GPM6B: variants seen among roughly 807,000 people sequenced by gnomAD.
GPM6B encodes the protein glycoprotein M6B.
Under a neutral mutation model 27.2 loss-of-function variants are expected in GPM6B, and 4 were observed. That is an observed-to-expected ratio of 0.15 (90% CI 0.07 to 0.34). The LOEUF (loss-of-function observed/expected upper bound fraction) is 0.34. GPM6B is among the 10% of genes least tolerant of loss of function. GPM6B has a pLI of 1.00. For missense variants in GPM6B, 183 were observed against 261.9 expected, an observed-to-expected ratio of 0.70 and a Z score of 2.08; for synonymous variants, 124 against 103.1, an observed-to-expected ratio of 1.20 and a Z score of -1.23.
At chrX:13,902,798 C>A in intron 1 of GPM6B, among the ~76,000 whole-genome samples, 1 of 111,903 alleles carries the variant, frequency 8.9e-6, no homozygotes. Context: ...TGGTGCCCAC[C>A]AAAGCACATG....
At chrX:13,820,920 C>G (rs1013965324), upstream of GPM6B, among the ~76,000 whole-genome samples, 2 of 111,013 alleles carry the variant, frequency 1.8e-5, no homozygotes, top group African/African-American at 6.6e-5. Flanking sequence ...GGTACACTAC[C>G]TTTTAAATGT....
At chrX:13,869,949 G>A (rs2049957468) in intron 1 of GPM6B, among the ~76,000 whole-genome samples, 1 of 111,884 alleles carries the variant, frequency 8.9e-6, no homozygotes, top group Admixed American at 9.5e-5. Flanking sequence ...TAGTTGTCCT[G>A]TCTCCTTGGT....
chrX:13,885,899 G>A (rs188746595), intron 1 of GPM6B, among the ~76,000 whole-genome samples: 62 of 112,194 alleles, frequency 5.5e-4, no homozygotes, highest in African/African-American at 1.6e-3. Flanking sequence ...AGTTTCGAGT[G>A]GTTTTAGTTT....
chrX:13,776,718 A>C (rs1285794779), intron 6 of GPM6B, among the ~76,000 whole-genome samples: 1 of 112,506 alleles, frequency 8.9e-6, no homozygotes, highest in Non-Finnish European at 1.9e-5. Context: ...TTTCTTAAAT[A>C]TACAAGCACC....
chrX:13,930,365 A>C (rs1419878232), intron 1 of GPM6B, among the ~76,000 whole-genome samples: 2 of 111,969 alleles, frequency 1.8e-5, no homozygotes, highest in African/African-American at 6.5e-5. Flanking sequence ...CTATAATCCC[A>C]GCACTTTGGG....
chrX:13,782,644 T>TGTACAGGAG (rs2048536625), intron 4 of GPM6B, among the ~76,000 whole-genome samples: 1 of 107,479 alleles, frequency 9.3e-6, no homozygotes, highest in African/African-American at 3.4e-5. Flanking sequence ...TCCCCTGACT[T>TGTACAGGAG]GTACAGGAGG....
At chrX:13,909,120 C>CTTTTT (rs368081524) in intron 1 of GPM6B, among the ~76,000 whole-genome samples, 30 of 69,823 alleles carry the variant, frequency 4.3e-4, no homozygotes, top group East Asian at 1.9e-3. Context: ...TGTTCATATC[C>CTTTTT]TTTTTTTTTT....
At chrX:13,866,232 A>G (rs954618786) in intron 1 of GPM6B, among the ~76,000 whole-genome samples, 10 of 112,102 alleles carry the variant, frequency 8.9e-5, no homozygotes, top group Non-Finnish European at 1.5e-4. Context: ...GCGTGGTGGC[A>G]CATGCCTGTA....
chrX:13,919,792 C>T (rs988999404), intron 1 of GPM6B, among the ~76,000 whole-genome samples: 17 of 111,131 alleles, frequency 1.5e-4, no homozygotes, highest in African/African-American at 5.0e-4. Context: ...AGAGAACACA[C>T]AGAAATCAAT....
intron 6 of GPM6B, 146 bp downstream of exon 6, chrX:13,777,206 T>C: frequency 2.2e-6 from 1 of 458,580 alleles, no homozygotes; most frequent in Non-Finnish European, 3.9e-6. Flanking sequence ...ATAGTGATGG[T>C]TACATATAGC....
intron 1 of GPM6B, chrX:13,812,855 A>G (rs2049163582): frequency 9.1e-6 from 1 of 110,257 alleles, no homozygotes. Context: ...TAATAATGTA[A>G]AAGTAGAAGA....
At chrX:13,779,169 T>G (rs1281725770) in intron 5 of GPM6B, among the ~76,000 whole-genome samples, 4 of 111,742 alleles carry the variant, frequency 3.6e-5, no homozygotes, top group Non-Finnish European at 5.6e-5. Flanking sequence ...AAGTCCCAAA[T>G]TAACTGACAG....
chrX:13,776,393 T>C, intron 6 of GPM6B, 90 bp from the exon 7 acceptor site: 1 of 697,976 alleles, frequency 1.4e-6, no homozygotes, highest in Non-Finnish European at 2.2e-6. Context: ...CTGTCTCCTT[T>C]GCAGCTCTTC....
At chrX:13,837,935 T>G (rs1167903115) in intron 1 of GPM6B, among the ~76,000 whole-genome samples, 1 of 110,624 alleles carries the variant, frequency 9.0e-6, no homozygotes, top group African/African-American at 3.3e-5. Flanking sequence ...AATTCTTTGA[T>G]TAAAAAAAAA....
intron 2 of GPM6B, among the ~76,000 whole-genome samples, chrX:13,786,357 TCGCCAGGTTCAAA>T (rs1275207613): frequency 9.0e-4 from 101 of 112,032 alleles, no homozygotes; most frequent in Admixed American, 1.4e-3. Context: ...AATTATGCCG[TCGCCAGGTTCAAA>T]CAAATAGCAA....
chrX:13,851,155 T>TC (rs1235184350), intron 1 of GPM6B, among the ~76,000 whole-genome samples: 2 of 66,777 alleles, frequency 3.0e-5, no homozygotes, highest in African/African-American at 1.3e-4. Flanking sequence ...AGAGCGAGAC[T>TC]CCATCTCCAA....
chrX:13,821,806 G>A (rs1177347528), upstream of GPM6B, among the ~76,000 whole-genome samples: 3 of 110,705 alleles, frequency 2.7e-5, no homozygotes, highest in Admixed American at 1.9e-4. Context: ...CGTTGGTCAG[G>A]CTGGTCTTGA....
At chrX:13,832,626 CA>C (rs1336279274) in intron 1 of GPM6B, among the ~76,000 whole-genome samples, 1 of 111,589 alleles carries the variant, frequency 9.0e-6, no homozygotes, top group East Asian at 2.8e-4. Context: ...GACAAGGCCA[CA>C]CATTTTAAAA....
chrX:13,907,658 G>A (rs776709835), intron 1 of GPM6B, among the ~76,000 whole-genome samples: 1 of 112,174 alleles, frequency 8.9e-6, no homozygotes, highest in African/African-American at 3.2e-5. Context: ...CAACAAGAGC[G>A]AAACTCTGTC....
Sources: allele counts gnomAD v4.1 joint callset (sites outside exome capture counted in the v4.1 genomes callset), GRCh38; gene constraint gnomAD v4.1.1; transcripts MANE v1.5; gene names NCBI Gene and HGNC (gene_info 2026-07-23, HGNC 2026-07-21).